The following MAF variants were observed in gnomAD, a reference collection of about 807,000 sequenced individuals.
The protein encoded by MAF is MAF bZIP transcription factor, also known as transcription factor Maf.
MAF carries 10 observed loss-of-function variants against 22.0 expected under a neutral mutation model. The observed-to-expected ratio is 0.45, with a 90% CI of 0.28 to 0.77. MAF has a LOEUF of 0.77. Among genes scored for constraint, MAF ranks in the 30% least tolerant of loss-of-function variants. MAF has a pLI of 0.12. For missense variants in MAF, 544 were observed against 548.4 expected (o/e 0.99, Z 0.08); for synonymous variants, 337 against 255.8 (o/e 1.32, Z -3.03).
chr16:79,574,533 C>T, the MAF span, among the ~76,000 whole-genome samples: 1 of 152,146 alleles, frequency 6.6e-6, no homozygotes, highest in Admixed American at 6.5e-5. Context: ...CAAGTGCTGG[C>T]TCTGGGATGA....
chr16:79,530,205 A>G, the MAF span, among the ~76,000 whole-genome samples: 4 of 152,288 alleles, frequency 2.6e-5, no homozygotes, highest in South Asian at 4.1e-4. Context: ...CATTTCTTCT[A>G]GCTTGAGAAC....
At chr16:79,590,559 C>T (rs570674726), downstream of MAF, among the ~76,000 whole-genome samples, 1 of 152,234 alleles carries the variant, frequency 6.6e-6, no homozygotes, top group Admixed American at 6.5e-5. Context: ...GGAGAGGACA[C>T]TGGGATTGGA....
chr16:79,255,523 CACA>C, the MAF span, among the ~76,000 whole-genome samples: 1 of 152,218 alleles, frequency 6.6e-6, no homozygotes, highest in Non-Finnish European at 1.5e-5. Flanking sequence ...GCATTCACCT[CACA>C]ACAATAACAC....
the MAF span, among the ~76,000 whole-genome samples, chr16:79,426,675 T>C: frequency 1.3e-5 from 2 of 152,172 alleles, no homozygotes; most frequent in African/African-American, 4.8e-5. Context: ...CTATTTGCCA[T>C]TGTTCCATCC....
the MAF span, among the ~76,000 whole-genome samples, chr16:79,207,803 C>T: frequency 1.3e-5 from 2 of 151,060 alleles, no homozygotes; most frequent in African/African-American, 4.9e-5. Flanking sequence ...TTTTTCTTTA[C>T]CATATATTGT....
At chr16:79,377,385 C>T in the MAF span, among the ~76,000 whole-genome samples, 1 of 151,826 alleles carries the variant, frequency 6.6e-6, no homozygotes, top group Non-Finnish European at 1.5e-5. Flanking sequence ...TTTGTTTTTT[C>T]CTCGTAAATT....
chr16:79,213,297 GAACA>G, the MAF span, among the ~76,000 whole-genome samples: 20,036 of 152,066 alleles, frequency 0.13, 2,316 homozygotes, highest in African/African-American at 0.32. Flanking sequence ...CAGAGCAGTC[GAACA>G]AACAAACACC....
the MAF span, among the ~76,000 whole-genome samples, chr16:79,536,635 C>A: frequency 1.3e-5 from 2 of 152,064 alleles, no homozygotes; most frequent in Non-Finnish European, 2.9e-5. Context: ...GTGCTAGACT[C>A]CGTCTTGAAA....
At chr16:79,455,950 G>A in the MAF span, among the ~76,000 whole-genome samples, 80 of 152,170 alleles carry the variant, frequency 5.3e-4, no homozygotes, top group African/African-American at 1.8e-3. Context: ...CCCAGGAGAC[G>A]GAGGTTGCAG....
chr16:79,564,766 C>T, the MAF span, among the ~76,000 whole-genome samples: 64 of 152,284 alleles, frequency 4.2e-4, no homozygotes, highest in African/African-American at 1.4e-3. Context: ...TGAACCTTGA[C>T]CAGTCCAAAC....
At chr16:79,500,438 C>T in the MAF span, among the ~76,000 whole-genome samples, 1 of 152,178 alleles carries the variant, frequency 6.6e-6, no homozygotes, top group African/African-American at 2.4e-5. Flanking sequence ...TCCACAAGAC[C>T]TCTGTCTGCA....
the MAF span, among the ~76,000 whole-genome samples, chr16:79,552,227 T>A: frequency 6.6e-6 from 1 of 152,034 alleles, no homozygotes; most frequent in African/African-American, 2.4e-5. Context: ...CTTCTTTTTT[T>A]TTTTCAGTCA....
the MAF span, among the ~76,000 whole-genome samples, chr16:79,432,591 G>C: frequency 2.6e-5 from 4 of 152,176 alleles, no homozygotes; most frequent in African/African-American, 9.7e-5. Context: ...CAAAACTGCA[G>C]ATAAGGGGGG....
the MAF span, among the ~76,000 whole-genome samples, chr16:79,481,244 T>G: frequency 6.6e-6 from 1 of 151,882 alleles, no homozygotes; most frequent in East Asian, 1.9e-4. Context: ...GTTTTTTTTT[T>G]TTAACACTGT....
the MAF span, among the ~76,000 whole-genome samples, chr16:79,290,970 A>T: frequency 6.6e-6 from 1 of 152,134 alleles, no homozygotes; most frequent in Non-Finnish European, 1.5e-5. Flanking sequence ...TGTGATGCTT[A>T]TTCACAATGA....
rs1305147641 is a variant in MAF, at chr16:79,593,878, A to C, written c.*582T>G. On this transcript the variant is annotated 3_prime_UTR_variant, in exon 2 of 2. Transcript: ENST00000326043. Reference sequence around the variant, plus strand: ...TTGTATTTTGCCACACATTGTTTTCATTTACAGCTATGTCTGACAAATGAG... The same window carrying C: ...TTGTATTTTGCCACACATTGTTTTCCTTTACAGCTATGTCTGACAAATGAG... 1 of 188,174 alleles carries C rather than the reference A, an allele frequency of 5.3e-6. No individual in the cohort carries two copies. 11.7% of individuals were successfully genotyped at this position (188,174 alleles called of 1,614,324 possible).
chr16:79,444,456 G>C, the MAF span, among the ~76,000 whole-genome samples: 4 of 152,064 alleles, frequency 2.6e-5, no homozygotes, highest in Admixed American at 6.6e-5. Flanking sequence ...ATATAGCCTT[G>C]GGCAAGTTCT....
chr16:79,216,296 A>G, the MAF span, among the ~76,000 whole-genome samples: 2 of 152,154 alleles, frequency 1.3e-5, no homozygotes, highest in African/African-American at 4.8e-5. Flanking sequence ...CACAGGCATT[A>G]TAGATGTATA....
chr16:79,561,275 T>C, the MAF span, among the ~76,000 whole-genome samples: 3 of 152,128 alleles, frequency 2.0e-5, no homozygotes, highest in South Asian at 6.2e-4. Flanking sequence ...CTTTATTAAG[T>C]GATAAAATTT....
Sources: allele counts gnomAD v4.1 joint callset (sites outside exome capture counted in the v4.1 genomes callset), GRCh38; gene constraint gnomAD v4.1.1; transcripts MANE v1.5; gene names NCBI Gene and HGNC (gene_info 2026-07-23, HGNC 2026-07-21).